The following DGKB variants were observed in gnomAD, a reference collection of about 807,000 sequenced individuals.
DGKB encodes the protein diacylglycerol kinase beta.
A neutral mutation model predicts 114.3 loss-of-function variants in DGKB; 67 were observed. That is an observed-to-expected ratio of 0.59 (90% confidence interval 0.48 to 0.72). The LOEUF (loss-of-function observed/expected upper bound fraction) is 0.72, where lower values mean the gene tolerates loss of function less well. DGKB is among the 30% of genes least tolerant of loss of function. The pLI, the probability that DGKB is intolerant of heterozygous loss-of-function variation, is 0.00. For synonymous variants in DGKB, 398 were observed against 323.1 expected (o/e 1.23, Z -2.49); for missense variants, 907 against 975.2 (o/e 0.93, Z 0.93).
At position 14,228,884 on chromosome 7, in the gene DGKB, C is replaced by CTG. The variant is rs71548072; in HGVS notation, c.2123-50735_2123-50734dup. The stretch of plus-strand genomic sequence containing the variant: ...CAACTACCTAGCATCAGTTTTTTTT[C>CTG]TGTGTGTGTGTGTGTGTGTGTGTTC... On this transcript the variant is annotated intron_variant, in intron 23 of 25. Transcript: ENST00000402815. Among the ~76,000 whole-genome samples the CTG allele has an allele frequency of 1.3e-3, 197 of 148,738 alleles. 1 individual carries two copies. The highest frequency in any genetic ancestry group is 2.8e-3 in the East Asian group (14 of 4,994).
chr7:14,906,468 T>C (rs1175560839), upstream of DGKB, among the ~76,000 whole-genome samples: 2 of 122,776 alleles, frequency 1.6e-5, no homozygotes, highest in East Asian at 5.8e-4. Context: ...TTTTTTTTTT[T>C]TTTGAGATGG....
chr7:14,468,992 A>T lies in DGKB; in HGVS notation c.1835+9169T>A, dbSNP rs561203810. On this transcript the variant is annotated intron_variant, in intron 21 of 25. Coordinates refer to ENST00000402815, the MANE Select transcript of DGKB (RefSeq NM_001350709.2). ...CATGGAAATGATAATAATAAAATGT[A>T]AGTGTCTTGCAAACAGAAACTAGAA... Among the ~76,000 whole-genome samples the T allele has an allele frequency of 5.3e-5, 8 of 152,232 alleles. No individual in the cohort carries two copies. The East Asian group carries it at 1.5e-3, about 29-fold the overall frequency.
chr7:14,465,360 A>G (rs1833681726), intron 21 of DGKB, among the ~76,000 whole-genome samples: 1 of 152,186 alleles, frequency 6.6e-6, no homozygotes, highest in African/African-American at 2.4e-5. Flanking sequence ...TATGATCCTG[A>G]TGATGAATTC....
At chr7:14,680,324 G>A (rs1441378412) in intron 12 of DGKB, among the ~76,000 whole-genome samples, 1 of 151,880 alleles carries the variant, frequency 6.6e-6, no homozygotes, top group Non-Finnish European at 1.5e-5. Context: ...CTATTCAATG[G>A]TATTTAGTGT....
At chr7:14,602,377 C>T (rs74602415) in intron 17 of DGKB, among the ~76,000 whole-genome samples, 4,135 of 152,168 alleles carry the variant, frequency 0.027, 200 homozygotes, top group African/African-American at 0.094. Context: ...AAGAAGAACA[C>T]GAATTTTGGG....
At chr7:14,355,155 C>T (rs1814204927) in intron 21 of DGKB, among the ~76,000 whole-genome samples, 1 of 152,114 alleles carries the variant, frequency 6.6e-6, no homozygotes, top group Non-Finnish European at 1.5e-5. Context: ...CCCCCTCCCT[C>T]CCTCTCTCTC....
intron 2 of DGKB, among the ~76,000 whole-genome samples, chr7:14,820,912 C>T (rs1426407004): frequency 4.6e-5 from 7 of 152,008 alleles, no homozygotes. Flanking sequence ...CTTTTTGGGC[C>T]AAATTTCATA....
At chr7:14,564,240 A>G (rs1210225245) in intron 20 of DGKB, among the ~76,000 whole-genome samples, 4 of 152,154 alleles carry the variant, frequency 2.6e-5, no homozygotes, top group Non-Finnish European at 5.9e-5. Flanking sequence ...ACCTGGAAAG[A>G]CAGAAACTAG....
chr7:14,542,348 T>A (rs954711305), intron 20 of DGKB, among the ~76,000 whole-genome samples: 2 of 152,022 alleles, frequency 1.3e-5, no homozygotes, highest in African/African-American at 2.4e-5. Context: ...CATCTCCTTC[T>A]CCTCTGCATC....
At position 14,393,549 on chromosome 7, in the gene DGKB, T is replaced by C. The variant is rs373728572; in HGVS notation, c.1836-48158A>G. Among the ~76,000 whole-genome samples, 68 of 152,148 alleles carry C rather than the reference T, an allele frequency of 4.5e-4. No individual in the cohort carries two copies. In the South Asian group the frequency reaches 0.014, roughly 31 times the overall value. On this transcript the variant is annotated intron_variant, in intron 21 of 25. Coordinates refer to ENST00000402815, the MANE Select transcript of DGKB (RefSeq NM_001350709.2). ...ATTTTGCATCTTGGACTGCAAAGTA[T>C]GAGAATTCATTATCTGGCCTTTACA...
chr7:14,697,851 GAGAA>G (rs1824303475), intron 8 of DGKB, among the ~76,000 whole-genome samples: 1 of 141,432 alleles, frequency 7.1e-6, no homozygotes, highest in Non-Finnish European at 1.5e-5. Context: ...AAGGGAGAGA[GAGAA>G]GGAAGGAAGG....
At chr7:14,473,511 C>A (rs1030258787) in intron 21 of DGKB, among the ~76,000 whole-genome samples, 7 of 152,172 alleles carry the variant, frequency 4.6e-5, no homozygotes, top group Non-Finnish European at 5.9e-5. Context: ...GGGGTCAGAA[C>A]CCCCACAATG....
intron 3 of DGKB, among the ~76,000 whole-genome samples, chr7:14,754,521 C>G (rs2128441464): frequency 6.6e-6 from 1 of 152,012 alleles, no homozygotes; most frequent in Non-Finnish European, 1.5e-5. Flanking sequence ...ACTTTCTTCC[C>G]ATATCTCAGC....
intron 21 of DGKB, among the ~76,000 whole-genome samples, chr7:14,392,862 A>C (rs144446768): frequency 6.6e-6 from 1 of 152,234 alleles, no homozygotes; most frequent in African/African-American, 2.4e-5. Flanking sequence ...TTGGAATAAG[A>C]ATTTCTCTAA....
chr7:14,545,606 G>A (rs1794155660), intron 20 of DGKB, among the ~76,000 whole-genome samples: 1 of 152,190 alleles, frequency 6.6e-6, no homozygotes, highest in South Asian at 2.1e-4. Flanking sequence ...CCAGACTAAA[G>A]GCTTAATCAG....
intron 23 of DGKB, among the ~76,000 whole-genome samples, chr7:14,270,882 A>T (rs1030251516): frequency 2.0e-5 from 3 of 152,196 alleles, no homozygotes; most frequent in Admixed American, 2.0e-4. Flanking sequence ...GTAAAATATG[A>T]TGTAGAAAGT....
At chr7:14,558,562 T>C (rs1467214348) in intron 20 of DGKB, among the ~76,000 whole-genome samples, 4 of 152,188 alleles carry the variant, frequency 2.6e-5, no homozygotes, top group Non-Finnish European at 4.4e-5. Flanking sequence ...CTGATTTTCC[T>C]TGTGGCCACA....
chr7:14,570,793 G>A (rs922413953), intron 20 of DGKB, among the ~76,000 whole-genome samples: 2 of 151,970 alleles, frequency 1.3e-5, no homozygotes, highest in Admixed American at 6.6e-5. Flanking sequence ...GAAGGTAAAA[G>A]GGGAGGCAAA....
chr7:14,760,266 T>G (rs891248515), intron 2 of DGKB, among the ~76,000 whole-genome samples: 6 of 152,176 alleles, frequency 3.9e-5, no homozygotes, highest in Non-Finnish European at 5.9e-5. Flanking sequence ...CTTGCTAGAT[T>G]GGAGGTTGTT....
Sources: allele counts gnomAD v4.1 joint callset (sites outside exome capture counted in the v4.1 genomes callset), GRCh38; gene constraint gnomAD v4.1.1; transcripts MANE v1.5; gene names NCBI Gene and HGNC (gene_info 2026-07-23, HGNC 2026-07-21).